The following EIF3L variants were observed in gnomAD, a reference collection of about 807,000 sequenced individuals.
EIF3L encodes the protein eukaryotic translation initiation factor 3 subunit L.
EIF3L carries 32 observed loss-of-function variants against 74.6 expected under a neutral mutation model. That is an observed-to-expected ratio of 0.43 (90% confidence interval 0.32 to 0.58). The LOEUF (loss-of-function observed/expected upper bound fraction) is 0.58, where lower values mean the gene tolerates loss of function less well. Ranked by LOEUF, EIF3L falls within the 20% of genes least tolerant of loss-of-function variation. The pLI, the probability that EIF3L is intolerant of heterozygous loss-of-function variation, is 0.06. For synonymous variants in EIF3L, 256 were observed against 254.4 expected, an observed-to-expected ratio of 1.01 and a Z score of -0.06; for missense variants, 474 against 707.8, an observed-to-expected ratio of 0.67 and a Z score of 3.75.
At chr22:37,867,735 A>C (rs1309037324) in intron 7 of EIF3L, among the ~76,000 whole-genome samples, 3 of 151,130 alleles carry the variant, frequency 2.0e-5, no homozygotes, top group African/African-American at 7.3e-5. Context: ...CAGGCGGATC[A>C]TGAGGTCAAG....
At chr22:37,864,071 A>T (rs1010033904) in intron 7 of EIF3L, among the ~76,000 whole-genome samples, 4 of 152,148 alleles carry the variant, frequency 2.6e-5, no homozygotes, top group African/African-American at 9.6e-5. Context: ...CTCAAAAAAA[A>T]AAAAGAAAGA....
At chr22:37,881,320 C>G (rs1161725984) in intron 11 of EIF3L, 1 of 152,160 alleles carries the variant, frequency 6.6e-6, no homozygotes, top group East Asian at 1.9e-4. Context: ...CTGCCACCTC[C>G]GCCTCCTGGG....
At chr22:37,862,946 G>C (rs906449914) in intron 5 of EIF3L, 23 bp from the exon 6 acceptor site, 1 of 1,568,472 alleles carries the variant, frequency 6.4e-7, no homozygotes, top group Admixed American at 1.8e-5. Flanking sequence ...TCTGTATCTT[G>C]ATATCTCTTG....
intron 11 of EIF3L, chr22:37,880,100 A>T (rs1262665137): frequency 7.0e-6 from 1 of 142,566 alleles, no homozygotes; most frequent in Non-Finnish European, 1.5e-5. Flanking sequence ...CGCGCCCGGT[A>T]TTATTTTATT....
chr22:37,866,065 G>C (rs753713958), intron 7 of EIF3L, among the ~76,000 whole-genome samples: 1 of 152,160 alleles, frequency 6.6e-6, no homozygotes, highest in Non-Finnish European at 1.5e-5. Context: ...TCAAACTACA[G>C]ATATAGTGAA....
chr22:37,854,841 A>G (rs1454500211), intron 3 of EIF3L, among the ~76,000 whole-genome samples: 5 of 151,560 alleles, frequency 3.3e-5, no homozygotes, highest in Admixed American at 3.3e-4. Context: ...GGGCCTTCCT[A>G]TATTGTCCAG....
At chr22:37,866,596 C>G (rs1601766914) in intron 7 of EIF3L, among the ~76,000 whole-genome samples, 1 of 151,990 alleles carries the variant, frequency 6.6e-6, no homozygotes, top group East Asian at 1.9e-4. Flanking sequence ...CCAGCCTGAC[C>G]AACATGGTGA....
At chr22:37,855,705 C>A in intron 4 of EIF3L, 61 bp downstream of exon 4, 4 of 1,424,872 alleles carry the variant, frequency 2.8e-6, no homozygotes, top group Non-Finnish European at 3.9e-6. Flanking sequence ...AGTCATTAGA[C>A]AGGAAGCTCA....
At chr22:37,869,560 T>C (rs1020073531) in intron 7 of EIF3L, among the ~76,000 whole-genome samples, 3 of 152,194 alleles carry the variant, frequency 2.0e-5, no homozygotes, top group African/African-American at 7.2e-5. Context: ...TTGTGTTCCA[T>C]CTGTGTGACT....
At chr22:37,875,706 T>C (rs1239816275) in intron 9 of EIF3L, 135 bp from the exon 10 acceptor site, 2 of 731,430 alleles carry the variant, frequency 2.7e-6, no homozygotes, top group Admixed American at 2.7e-5. Context: ...GAAGATCCGC[T>C]CTCAAACTCT....
At chr22:37,855,126 A>C (rs1007478875) in intron 3 of EIF3L, among the ~76,000 whole-genome samples, 3 of 152,208 alleles carry the variant, frequency 2.0e-5, no homozygotes, top group Non-Finnish European at 2.9e-5. Context: ...TTGGATAGGC[A>C]GCAGTGTTTA....
chr22:37,875,651 TAAAAA>T (rs1178945202), intron 9 of EIF3L, among the ~76,000 whole-genome samples, 185 bp from the exon 10 acceptor site: 1 of 152,058 alleles, frequency 6.6e-6, no homozygotes, highest in Non-Finnish European at 1.5e-5. Flanking sequence ...TGTTTACAGC[TAAAAA>T]AATGGATTCC....
chr22:37,858,397 C>T (rs1925658922), intron 4 of EIF3L, among the ~76,000 whole-genome samples: 1 of 151,574 alleles, frequency 6.6e-6, no homozygotes, highest in East Asian at 2.0e-4. Context: ...TCTAATTACT[C>T]TTGTGTGCTG....
chr22:37,854,686 G>T (rs2413489), intron 3 of EIF3L, among the ~76,000 whole-genome samples: 1 of 152,068 alleles, frequency 6.6e-6, no homozygotes, highest in African/African-American at 2.4e-5. Flanking sequence ...AGGCTGGTCT[G>T]GAACTCCTAA....
chr22:37,874,632 C>T (rs1926649314), intron 9 of EIF3L, 108 bp downstream of exon 9: 3 of 1,275,408 alleles, frequency 2.4e-6, no homozygotes, highest in Middle Eastern at 2.3e-4. Context: ...GAGGACTGTT[C>T]CCTCAGGCCA....
intron 1 of EIF3L, 190 bp downstream of exon 1, chr22:37,849,672 T>C: frequency 1.5e-6 from 1 of 651,370 alleles, no homozygotes; most frequent in Non-Finnish European, 2.6e-6. Context: ...CTTCGCGTGT[T>C]CGATTGGCTT....
chr22:37,871,871 G>GA (rs1569118913), intron 8 of EIF3L, among the ~76,000 whole-genome samples: 1,902 of 111,490 alleles, frequency 0.017, 54 homozygotes, highest in African/African-American at 0.054. Flanking sequence ...TCTGTCTCGG[G>GA]GAAAAAAAAA....
intron 4 of EIF3L, 124 bp downstream of exon 4, chr22:37,855,768 G>T: frequency 4.1e-6 from 3 of 731,778 alleles, no homozygotes; most frequent in Admixed American, 2.7e-5. Context: ...TGCTTGGTAT[G>T]TAGTAGGTCC....
intron 3 of EIF3L, among the ~76,000 whole-genome samples, chr22:37,852,394 G>C (rs1209528717): frequency 6.6e-6 from 1 of 152,184 alleles, no homozygotes; most frequent in African/African-American, 2.4e-5. Flanking sequence ...TTTCTAAACT[G>C]TGCTATGCAG....
Sources: allele counts gnomAD v4.1 joint callset (sites outside exome capture counted in the v4.1 genomes callset), GRCh38; gene constraint gnomAD v4.1.1; transcripts MANE v1.5; gene names NCBI Gene and HGNC (gene_info 2026-07-23, HGNC 2026-07-21).